Variants in SLC39A14 observed in about 807,000 individuals in gnomAD.
SLC39A14 encodes the protein metal cation symporter ZIP14.
Under a neutral mutation model 45.5 loss-of-function variants are expected in SLC39A14, and 19 were observed. The observed-to-expected ratio is 0.42, with a 90% confidence interval of 0.29 to 0.61. The LOEUF is 0.61. Among genes scored for constraint, SLC39A14 ranks in the 20% least tolerant of loss-of-function variants. The probability of loss-of-function intolerance (pLI) is 0.22; values close to 1 mark genes in which losing one functional copy is unlikely to be tolerated. For missense variants in SLC39A14, 447 were observed against 616.5 expected (o/e 0.73, Z 2.91); for synonymous variants, 264 against 251.3 (o/e 1.05, Z -0.48).
rs746247342 is a variant in SLC39A14, at chr8:22,404,828, G to A, written c.118G>A (p.Ala40Thr). 8.1e-6 allele frequency: 13 copies of A among 1,614,068 alleles called. No individual in the cohort carries two copies. Among genetic ancestry groups the A allele is most frequent in the Admixed American group, 1.7e-5 (1 of 60,010 alleles). ...ASSLGAPAISAASFLQDLIHR... is the reference protein window; with the variant it reads ...ASSLGAPAISTASFLQDLIHR... ...ATCCCTGGGTGCACCAGCTATCAGC[G>A]CTGCCTCCTTCCTGCAGGATCTAAT... The change falls in exon 2 of 9, where the codon GCT becomes ACT. Residue 40 changes from alanine to threonine, a missense_variant. Around this residue, in one of 2 missense-constraint regions of SLC39A14, gnomAD observed 342 missense variants for 428.1 expected, o/e 0.80. Transcript: ENST00000381237.
chr8:22,377,923 T>C (rs1833300903), intron 1 of SLC39A14, among the ~76,000 whole-genome samples: 1 of 152,204 alleles, frequency 6.6e-6, no homozygotes, highest in Admixed American at 6.5e-5. Context: ...TCGGCTATGC[T>C]CTCCCTCTCT....
Position 22,420,117 on chromosome 8 carries a change from C to G in SLC39A14, c.*419C>G, listed in dbSNP as rs1012166857. ...AAGAGTTGAATCCATAGTGTGGGGC[C>G]CATGACTCTAGCTGGGCACCTTGGA... On this transcript the variant is annotated 3_prime_UTR_variant, in exon 9 of 9. Coordinates refer to ENST00000381237, the MANE Select transcript of SLC39A14 (RefSeq NM_001128431.4). 1.3e-5 allele frequency: 13 copies of G among 988,158 alleles called. No homozygotes were observed. The Admixed American group carries it at 6.0e-4, about 46-fold the overall frequency. 61.2% of individuals were successfully genotyped at this position (988,158 alleles called of 1,614,324 possible). A position where few individuals can be genotyped will look rare whatever the true frequency, so the allele number is the denominator to read the frequency against.
chr8:22,379,927 CAAAAAAAAA>C (rs35093772), intron 1 of SLC39A14, among the ~76,000 whole-genome samples: 3 of 87,960 alleles, frequency 3.4e-5, no homozygotes, highest in African/African-American at 1.2e-4. Flanking sequence ...GACTCCATCT[CAAAAAAAAA>C]AAAAAAAAAA....
chr8:22,394,089 C>T (rs1218965923), intron 1 of SLC39A14, among the ~76,000 whole-genome samples: 1 of 151,406 alleles, frequency 6.6e-6, no homozygotes, highest in Non-Finnish European at 1.5e-5. Context: ...TCACTGCAAC[C>T]TCTGCCTCCG....
intron 3 of SLC39A14, chr8:22,409,967 G>T (rs776050395): frequency 4.7e-5 from 76 of 1,613,914 alleles, no homozygotes; most frequent in Non-Finnish European, 6.4e-5. Flanking sequence ...GGTTTTCTCA[G>T]TGTCTCACTG....
intron 1 of SLC39A14, among the ~76,000 whole-genome samples, chr8:22,387,713 C>A (rs1307339836): frequency 6.6e-6 from 1 of 152,166 alleles, no homozygotes; most frequent in Admixed American, 6.5e-5. Flanking sequence ...TGTCCTGGAA[C>A]CCATTTGTGT....
chr8:22,422,028 T>C lies in SLC39A14; in HGVS notation c.*2330T>C. On this transcript the variant is annotated 3_prime_UTR_variant, in exon 9 of 9. Coordinates refer to ENST00000381237, the MANE Select transcript of SLC39A14 (RefSeq NM_001128431.4). ...TCGTCTGACTTGAGTCGCCACTGAT[T>C]GTGGCAACAGCTTTGCCTCATGAGT... 1 of 985,386 alleles carries C rather than the reference T, an allele frequency of 1.0e-6. No individual in the cohort carries two copies. Among genetic ancestry groups the C allele is most frequent in the Non-Finnish European group, 1.2e-6 (1 of 829,868 alleles). The allele number at this position is 985,386 out of a possible 1,614,324, so 61.0% of individuals were successfully genotyped here. A position where few individuals can be genotyped will look rare whatever the true frequency, so the allele number is the denominator to read the frequency against.
chr8:22,393,751 A>T (rs1251261716), intron 1 of SLC39A14, among the ~76,000 whole-genome samples: 1 of 151,994 alleles, frequency 6.6e-6, no homozygotes, highest in African/African-American at 2.4e-5. Context: ...AGCTCACTGC[A>T]GCCTCAAACT....
chr8:22,377,960 T>TA (rs1344798177), intron 1 of SLC39A14, among the ~76,000 whole-genome samples: 3 of 152,224 alleles, frequency 2.0e-5, no homozygotes, highest in African/African-American at 4.8e-5. Context: ...CTGCCAATTG[T>TA]ATTTGTCTTA....
Position 22,422,250 on chromosome 8 carries a change from A to G in SLC39A14, c.*2552A>G, listed in dbSNP as rs1836267698. ...AGGAAAGTGTATGTCACGTGCAGGA[A>G]CAGTGAGGCAGGGACAGGGGTTCTG... On this transcript the variant is annotated 3_prime_UTR_variant, in exon 9 of 9. Transcript: ENST00000381237. 1.0e-6 allele frequency: 1 copy of G among 985,446 alleles called. No homozygotes were observed. The allele number at this position is 985,446 out of a possible 1,614,324, so 61.0% of individuals were successfully genotyped here.
At chr8:22,417,080 T>C (rs1835929258) in intron 7 of SLC39A14, among the ~76,000 whole-genome samples, 1 of 152,218 alleles carries the variant, frequency 6.6e-6, no homozygotes, top group South Asian at 2.1e-4. Flanking sequence ...AGCTAGTAAT[T>C]ACTCCAGAGG....
intron 5 of SLC39A14, chr8:22,415,139 C>T: frequency 2.0e-6 from 1 of 491,294 alleles, no homozygotes; most frequent in South Asian, 2.7e-5. Flanking sequence ...TAGTTTATCC[C>T]CTTTGTTTTG....
Position 22,422,330 on chromosome 8 carries a change from G to A in SLC39A14, c.*2632G>A. Reference sequence around the variant, plus strand: ...CTTGCCCCTGTCTTTGCCCCCAAAGGTATTTTGTGTCTAGTGTCAAATTGG... The same window carrying A: ...CTTGCCCCTGTCTTTGCCCCCAAAGATATTTTGTGTCTAGTGTCAAATTGG... On this transcript the variant is annotated 3_prime_UTR_variant, in exon 9 of 9. Coordinates refer to ENST00000381237, the MANE Select transcript of SLC39A14 (RefSeq NM_001128431.4). 2.0e-6 allele frequency: 2 copies of A among 985,806 alleles called. No individual in the cohort carries two copies. The highest frequency in any genetic ancestry group is 9.4e-5 in the South Asian group (2 of 21,286). The allele number at this position is 985,806 out of a possible 1,614,324, so 61.1% of individuals were successfully genotyped here.
At chr8:22,433,943 C>T in exon 9 of SLC39A14, 1 of 436,882 alleles carries the variant, frequency 2.3e-6, no homozygotes, top group Non-Finnish European at 4.6e-6. Flanking sequence ...CATCTCAGCT[C>T]ACTGCAACCT....
rs1835116100 is a variant in SLC39A14, at chr8:22,404,840, C to T, written c.130C>T (p.Leu44=). ...GAPAISAASF[L]QDLIHRYGEG... The stretch of plus-strand genomic sequence containing the variant: ...ACCAGCTATCAGCGCTGCCTCCTTC[C>T]TGCAGGATCTAATACATCGGTATGG... Residue 44 remains leucine (L), a synonymous_variant, in exon 2 of 9, where the codon CTG becomes TTG. Transcript: ENST00000381237. The T allele has an allele frequency of 6.2e-7, 1 of 1,614,234 alleles. No homozygotes were observed. Among genetic ancestry groups the T allele is most frequent in the Admixed American group, 1.7e-5 (1 of 60,030 alleles).
intron 1 of SLC39A14, among the ~76,000 whole-genome samples, chr8:22,368,486 CTTTTATTTTATTTTATTTTA>C (rs869157776): frequency 1.1e-4 from 16 of 147,640 alleles, no homozygotes; most frequent in South Asian, 4.4e-4. Flanking sequence ...ATCCTTCCCT[CTTTTATTTTATTTTATTTTA>C]TTTTATTTTA....
At chr8:22,376,241 G>A (rs919259054) in intron 1 of SLC39A14, among the ~76,000 whole-genome samples, 2 of 151,708 alleles carry the variant, frequency 1.3e-5, no homozygotes, top group East Asian at 1.9e-4. Context: ...GTGTGATCTC[G>A]GCTCTCTGCA....
chr8:22,420,405 G>C lies in SLC39A14; in HGVS notation c.*707G>C. 1 of 985,454 alleles carries C rather than the reference G, an allele frequency of 1.0e-6. No individual in the cohort carries two copies. The highest frequency in any genetic ancestry group is 1.2e-6 in the Non-Finnish European group (1 of 829,960). 61.0% of individuals were successfully genotyped at this position (985,454 alleles called of 1,614,324 possible). On this transcript the variant is annotated 3_prime_UTR_variant, in exon 9 of 9. Transcript: ENST00000381237. ...TGGTGTTTCACGGCTGTCCGAGTGA[G>C]CTAACGTGGCGGTGTGGCTGCCTGG...
chr8:22,424,764 C>T (rs1294693357), downstream of SLC39A14, among the ~76,000 whole-genome samples: 1 of 151,010 alleles, frequency 6.6e-6, no homozygotes, highest in Non-Finnish European at 1.5e-5. Flanking sequence ...CAATGGCTCA[C>T]GCCTGTAATC....
Sources: allele counts gnomAD v4.1 joint callset (sites outside exome capture counted in the v4.1 genomes callset), GRCh38; gene constraint gnomAD v4.1.1; regional missense constraint gnomAD v4.1.1; transcripts MANE v1.5; gene names NCBI Gene and HGNC (gene_info 2026-07-23, HGNC 2026-07-21).